Variants in COL21A1 observed in about 807,000 individuals in gnomAD.
The protein encoded by COL21A1 is collagen alpha-1(XXI) chain.
A neutral mutation model predicts 137.9 loss-of-function variants in COL21A1; 149 were observed. That is an observed-to-expected ratio of 1.08 (90% CI 0.95 to 1.24). The LOEUF (loss-of-function observed/expected upper bound fraction) is 1.24. Ranked by LOEUF, COL21A1 falls within the 50% of genes most tolerant of loss-of-function variation. The probability of loss-of-function intolerance (pLI) is 0.00; values close to 1 mark genes in which losing one functional copy is unlikely to be tolerated. For missense variants in COL21A1, 1,167 were observed against 1,158.4 expected, an observed-to-expected ratio of 1.01 and a Z score of -0.11; for synonymous variants, 456 against 391.5, an observed-to-expected ratio of 1.16 and a Z score of -1.95.
intron 1 of COL21A1, among the ~76,000 whole-genome samples, chr6:56,382,898 A>C (rs2094011164): frequency 6.6e-6 from 1 of 152,152 alleles, no homozygotes; most frequent in Non-Finnish European, 1.5e-5. Flanking sequence ...TGCTTCTGCC[A>C]TATTGGTTGT....
At chr6:56,362,979 C>T (rs1259775510) in intron 1 of COL21A1, among the ~76,000 whole-genome samples, 1 of 152,210 alleles carries the variant, frequency 6.6e-6, no homozygotes, top group Non-Finnish European at 1.5e-5. Context: ...TGCAACATCT[C>T]TGCCCTGAAT....
intron 16 of COL21A1, among the ~76,000 whole-genome samples, chr6:56,120,629 A>C (rs998646857): frequency 5.3e-5 from 8 of 152,080 alleles, no homozygotes; most frequent in African/African-American, 1.7e-4. Flanking sequence ...AAATGTCTCT[A>C]CTAAAAATAC....
chr6:56,243,407 T>C (rs1782464242), intron 1 of COL21A1, among the ~76,000 whole-genome samples: 1 of 152,180 alleles, frequency 6.6e-6, no homozygotes. Flanking sequence ...TCTGAGAAAC[T>C]TTAAGTACCT....
At chr6:56,191,090 G>A in intron 1 of COL21A1, among the ~76,000 whole-genome samples, 1 of 152,098 alleles carries the variant, frequency 6.6e-6, no homozygotes, top group Non-Finnish European at 1.5e-5. Context: ...ACATAGTATT[G>A]GAACTTCTGG....
intron 1 of COL21A1, among the ~76,000 whole-genome samples, chr6:56,303,545 T>A (rs1348188752): frequency 6.6e-6 from 1 of 152,204 alleles, no homozygotes; most frequent in African/African-American, 2.4e-5. Context: ...CTGTTATGGG[T>A]GTATAAGAAT....
At chr6:56,218,864 A>T (rs1017090089) in intron 1 of COL21A1, among the ~76,000 whole-genome samples, 1 of 152,138 alleles carries the variant, frequency 6.6e-6, no homozygotes, top group Non-Finnish European at 1.5e-5. Context: ...GCCAGCCATC[A>T]GAAGTTGACA....
chr6:56,371,441 G>GCC (rs2093988284), intron 1 of COL21A1, among the ~76,000 whole-genome samples: 1 of 152,134 alleles, frequency 6.6e-6, no homozygotes, highest in Non-Finnish European at 1.5e-5. Context: ...AGAGTCAGGT[G>GCC]CCCAGCCCCA....
intron 17 of COL21A1, among the ~76,000 whole-genome samples, chr6:56,090,456 GC>G (rs1465543123): frequency 6.6e-6 from 1 of 152,220 alleles, no homozygotes; most frequent in East Asian, 1.9e-4. Context: ...CAGATAATGA[GC>G]CAACATTTGT....
At chr6:56,099,482 C>T (rs1222146254) in intron 17 of COL21A1, among the ~76,000 whole-genome samples, 5 of 151,836 alleles carry the variant, frequency 3.3e-5, no homozygotes, top group African/African-American at 1.2e-4. Context: ...GTGATCCAGC[C>T]GCCTCGGCCT....
chr6:56,340,008 AG>A (rs2152345011), intron 1 of COL21A1, among the ~76,000 whole-genome samples: 1 of 152,272 alleles, frequency 6.6e-6, no homozygotes, highest in East Asian at 1.9e-4. Context: ...CATCTAAGTC[AG>A]GATTGGAGAG....
At position 56,214,810 on chromosome 6, in the gene COL21A1, C is replaced by T. The variant is rs568001493; in HGVS notation, c.-38-32154G>A. Among the ~76,000 whole-genome samples, 27 of 152,054 alleles carry T rather than the reference C, an allele frequency of 1.8e-4. No homozygotes were observed. In the South Asian group the frequency reaches 5.0e-3, roughly 28 times the overall value. ...GTTTTCCATTTATTAAAAGTTTTTA[C>T]CCTTATTTAAGCACTTCATTATTAA... On this transcript the variant is annotated intron_variant, in intron 1 of 29. Coordinates refer to ENST00000244728, the MANE Select transcript of COL21A1 (RefSeq NM_030820.4).
At position 56,306,513 on chromosome 6, in the gene COL21A1, T is replaced by C. The variant is rs530690154; in HGVS notation, c.-39+87458A>G. On this transcript the variant is annotated intron_variant, in intron 1 of 28. Transcript: ENST00000370819. ...CCATCACTGATACCCTTTCTTCCAG[T>C]TGATCGAATTGGCTACTGAGACTTG... 2.0e-5 allele frequency among the ~76,000 whole-genome samples: 3 copies of C among 152,344 alleles called. No homozygotes were observed. The South Asian group carries it at 6.2e-4, about 32-fold the overall frequency.
At chr6:56,283,237 CAAAA>C (rs35555993) in intron 1 of COL21A1, among the ~76,000 whole-genome samples, 2 of 142,012 alleles carry the variant, frequency 1.4e-5, no homozygotes, top group Non-Finnish European at 3.1e-5. Context: ...TTTGTAAAAG[CAAAA>C]AAAAAATGTC....
intron 1 of COL21A1, among the ~76,000 whole-genome samples, chr6:56,326,435 G>A (rs933421388): frequency 1.3e-5 from 2 of 151,960 alleles, no homozygotes; most frequent in Admixed American, 1.3e-4. Context: ...ACTTCGGAAA[G>A]TAGCTGCAAC....
At chr6:56,098,634 T>A (rs1404654647) in intron 17 of COL21A1, among the ~76,000 whole-genome samples, 13 of 53,268 alleles carry the variant, frequency 2.4e-4, no homozygotes, top group South Asian at 6.5e-4. Context: ...TAAATATATA[T>A]ATAAATATAT....
intron 1 of COL21A1, among the ~76,000 whole-genome samples, chr6:56,239,785 T>A (rs12209422): frequency 0.1 from 15,826 of 152,214 alleles, 914 homozygotes; most frequent in Middle Eastern, 0.11. Context: ...ATTTACATGA[T>A]GCCAATGTGA....
intron 1 of COL21A1, among the ~76,000 whole-genome samples, chr6:56,260,615 A>G (rs935621644): frequency 1.0e-3 from 98 of 96,030 alleles, no homozygotes; most frequent in African/African-American, 1.8e-3. Flanking sequence ...AGAAGAAAGA[A>G]AGAGAGAGAG....
intron 1 of COL21A1, among the ~76,000 whole-genome samples, chr6:56,264,495 T>C (rs1763352162): frequency 6.6e-6 from 1 of 152,250 alleles, no homozygotes; most frequent in South Asian, 2.1e-4. Context: ...CAAAAATCAA[T>C]CCTAAACAAT....
rs926891281 is a variant in COL21A1 at position 56,126,151 on chromosome 6, T to C, written c.1543-2A>G. On this transcript the variant is annotated splice_acceptor_variant, in intron 12 of 29. Coordinates refer to ENST00000244728, the MANE Select transcript of COL21A1 (RefSeq NM_030820.4). LOFTEE classifies it high-confidence loss of function. ...AAAACCAGGAAGTCCACGATCACCC[T>C]GAAAATAAAACTGAAATTAATTACA... The C allele has an allele frequency of 1.3e-6, 2 of 1,542,408 alleles. No homozygotes were observed. The highest frequency in any genetic ancestry group is 8.8e-7 in the Non-Finnish European group (1 of 1,139,716).
Sources: gnomAD v4.1 joint callset for allele counts (sites outside exome capture counted in the v4.1 genomes callset) on GRCh38, gnomAD v4.1.1 for gene constraint, MANE v1.5 for transcripts, NCBI Gene and HGNC (gene_info 2026-07-23, HGNC 2026-07-21) for gene names.